NLRP8: variants seen among roughly 807,000 people sequenced by gnomAD.
The protein encoded by NLRP8 is NACHT, LRR and PYD domains-containing protein 8.
Under a neutral mutation model 88.7 loss-of-function variants are expected in NLRP8, and 86 were observed. That is an observed-to-expected ratio of 0.97 (90% CI 0.81 to 1.16). The LOEUF (loss-of-function observed/expected upper bound fraction) is 1.16, where lower values mean the gene tolerates loss of function less well. Among genes scored for constraint, NLRP8 ranks in the 50% most tolerant of loss-of-function variants. NLRP8 has a pLI of 0.00. For missense variants in NLRP8, 1,342 were observed against 1,286.5 expected (o/e 1.04, Z -0.66); for synonymous variants, 504 against 494.6 (o/e 1.02, Z -0.25).
Position 55,956,058 on chromosome 19 carries a change from T to A in NLRP8, c.2000T>A (p.Met667Lys), listed in dbSNP as rs112479974. ...GAACTGACCGTCACCCTGAACTTCATGAACGTGTGGAAGCTCAGCTCCAGC... is the reference window on the plus strand; with the variant it reads ...GAACTGACCGTCACCCTGAACTTCAAGAACGTGTGGAAGCTCAGCTCCAGC... The change falls in exon 3 of 10, where the codon ATG becomes AAG. Residue 667 changes from methionine (M) to lysine (K), a missense_variant. Physicochemically the swap from Met to Lys is moderately conservative, Grantham distance 95. Coordinates refer to ENST00000291971, the MANE Select transcript of NLRP8 (RefSeq NM_176811.2). 3.7e-6 allele frequency: 6 copies of A among 1,614,076 alleles called. No individual in the cohort carries two copies. The highest frequency in any genetic ancestry group is 4.2e-6 in the Non-Finnish European group (5 of 1,179,960).
In NLRP8 at chr19:55,955,504, G is replaced by T. The variant is rs369750431; in HGVS notation, c.1446G>T (p.Thr482=). The stretch of plus-strand genomic sequence containing the variant: ...TTGAGGAAGCCAAGCTGGATCAGAC[G>T]GGAGTCACCGCCTTCCTTGGCATGA... Residue 482 remains threonine, a synonymous_variant, in exon 3 of 10, where the codon ACG becomes ACT. Coordinates refer to ENST00000291971, the MANE Select transcript of NLRP8 (RefSeq NM_176811.2). 1.2e-6 allele frequency: 2 copies of T among 1,614,208 alleles called. No homozygotes were observed. Among genetic ancestry groups the T allele is most frequent in the Admixed American group, 3.3e-5 (2 of 60,016 alleles).
At chr19:55,975,063 C>T (rs1980248755) in intron 7 of NLRP8, among the ~76,000 whole-genome samples, 2 of 152,158 alleles carry the variant, frequency 1.3e-5, no homozygotes, top group Admixed American at 6.5e-5. Flanking sequence ...TGGAAACTGG[C>T]AATCACTACA....
rs147043782 is a variant in NLRP8, at chr19:55,955,216, C to T, written c.1158C>T (p.Asn386=). Residue 386 remains asparagine, a synonymous_variant, in exon 3 of 10, where the codon AAC becomes AAT. Transcript: ENST00000291971. ...AAGTCTTGAGTTTCGCCATGGAAAACACCATTCTCTTCTCCATGTGCCGGG... is the reference window on the plus strand; with the variant it reads ...AAGTCTTGAGTTTCGCCATGGAAAATACCATTCTCTTCTCCATGTGCCGGG... 5 of 1,614,032 alleles carry T rather than the reference C, an allele frequency of 3.1e-6. No homozygotes were observed. In the African/African-American group the frequency reaches 4.0e-5, roughly 13 times the overall value.
chr19:55,961,196 C>G (rs1176597503), intron 3 of NLRP8, among the ~76,000 whole-genome samples: 1 of 152,094 alleles, frequency 6.6e-6, no homozygotes, highest in Admixed American at 6.6e-5. Flanking sequence ...GCCACCGTGC[C>G]CGGCCACTTT....
intron 1 of NLRP8, among the ~76,000 whole-genome samples, chr19:55,950,237 C>A (rs1425861131): frequency 6.7e-6 from 1 of 150,082 alleles, no homozygotes; most frequent in East Asian, 1.9e-4. Flanking sequence ...ATGGTGAAAC[C>A]CAGTCTCTAC....
chr19:55,974,761 A>AG (rs1305640073), intron 7 of NLRP8, among the ~76,000 whole-genome samples: 1 of 151,092 alleles, frequency 6.6e-6, no homozygotes. Context: ...GAAAGAAAAA[A>AG]GGCCCATTGT....
chr19:55,987,754 G>A, intron 9 of NLRP8: 1 of 1,236,924 alleles, frequency 8.1e-7, no homozygotes, highest in Non-Finnish European at 1.2e-6. Context: ...GCAAGCTTAG[G>A]GAAGTCACTC....
At chr19:55,967,407 G>A (rs1231404706) in intron 5 of NLRP8, among the ~76,000 whole-genome samples, 1 of 152,132 alleles carries the variant, frequency 6.6e-6, no homozygotes, top group Non-Finnish European at 1.5e-5. Flanking sequence ...GAGTTCAATT[G>A]TTTTGGTTTT....
intron 8 of NLRP8, among the ~76,000 whole-genome samples, chr19:55,976,536 C>T (rs1980335619): frequency 6.6e-6 from 1 of 151,978 alleles, no homozygotes; most frequent in Non-Finnish European, 1.5e-5. Flanking sequence ...ACCTAGGGAA[C>T]CAGAAACTCT....
At chr19:55,969,624 T>C (rs895519475) in intron 5 of NLRP8, among the ~76,000 whole-genome samples, 3 of 151,202 alleles carry the variant, frequency 2.0e-5, no homozygotes, top group African/African-American at 2.4e-5. Context: ...AGATGCCCAG[T>C]AGTGGGATTG....
Position 55,954,548 on chromosome 19 carries a change from A to G in NLRP8, c.490A>G (p.Ile164Val), listed in dbSNP as rs566456144. ...GAATGTGATGGAAAAGTTTTTCCCC[A>G]TATGGGACATTACGACTTGGCCTGG... The change falls in exon 3 of 10, where the codon ATA becomes GTA. Residue 164 changes from isoleucine (I) to valine (V), a missense_variant. By Grantham distance (29) the Ile-to-Val change is conservative (BLOSUM62 3). Coordinates refer to ENST00000291971, the MANE Select transcript of NLRP8 (RefSeq NM_176811.2). The G allele has an allele frequency of 5.9e-5, 96 of 1,614,172 alleles. No homozygotes were observed. The South Asian group carries it at 9.7e-4, about 16-fold the overall frequency.
rs61735878 is a variant in NLRP8 at position 55,948,001 on chromosome 19, C to T, written c.99C>T (p.Pro33=). The T allele has an allele frequency of 0.014, 22,957 of 1,614,046 alleles. 982 individuals are homozygous for T. The highest frequency in any genetic ancestry group is 0.094 in the Admixed American group (5,664 of 59,998). Residue 33 remains proline, a synonymous_variant, in exon 1 of 10, where the codon CCC becomes CCT. Coordinates refer to ENST00000291971, the MANE Select transcript of NLRP8 (RefSeq NM_176811.2). Reference sequence around the variant, plus strand: ...CGCCCTGGACATTCTCTTGCTACCCCGGCTCCCCATGTGAAAATGGGGTCA... The same window carrying T: ...CGCCCTGGACATTCTCTTGCTACCCTGGCTCCCCATGTGAAAATGGGGTCA...
chr19:55,975,235 C>A (rs770383962), intron 7 of NLRP8, among the ~76,000 whole-genome samples: 3 of 152,078 alleles, frequency 2.0e-5, no homozygotes, highest in Non-Finnish European at 4.4e-5. Context: ...AATTCAATGC[C>A]CCAAGCATAG....
At chr19:55,951,034 C>T (rs1217008107) in intron 1 of NLRP8, among the ~76,000 whole-genome samples, 1 of 151,922 alleles carries the variant, frequency 6.6e-6, no homozygotes, top group Non-Finnish European at 1.5e-5. Context: ...GCTGAGATCA[C>T]ACCACTGCAC....
At chr19:55,982,680 C>T (rs903102793) in intron 9 of NLRP8, among the ~76,000 whole-genome samples, 35 of 152,202 alleles carry the variant, frequency 2.3e-4, no homozygotes, top group African/African-American at 8.4e-4. Flanking sequence ...CAGTGGCTTG[C>T]ACCTGTAATC....
rs1163075343 is a variant in NLRP8, at chr19:55,955,091, T to A, written c.1033T>A (p.Leu345Met). The A allele has an allele frequency of 5.6e-6, 9 of 1,614,000 alleles. No homozygotes were observed. The Admixed American group carries it at 1.0e-4, about 18-fold the overall frequency. The stretch of plus-strand genomic sequence containing the variant: ...TACCTCTTGGCAGACATGCAAGCCC[T>A]TGCTGAAATGTCCCTCTCTCGTAAC... Residue 345 changes from leucine (L) to methionine (M), a missense_variant, in exon 3 of 10, where the codon TTG becomes ATG. Coordinates refer to ENST00000291971, the MANE Select transcript of NLRP8 (RefSeq NM_176811.2).
chr19:55,960,147 G>C (rs540198664), intron 3 of NLRP8, among the ~76,000 whole-genome samples: 1 of 152,174 alleles, frequency 6.6e-6, no homozygotes, highest in Admixed American at 6.5e-5. Flanking sequence ...GTGGTCTTTT[G>C]TTACATTCCA....
At chr19:55,950,787 G>A (rs2053715325) in intron 1 of NLRP8, among the ~76,000 whole-genome samples, 1 of 152,076 alleles carries the variant, frequency 6.6e-6, no homozygotes, top group Non-Finnish European at 1.5e-5. Context: ...CAGTCTGAAA[G>A]GCCGAGGTGG....
intron 1 of NLRP8, 105 bp downstream of exon 1, chr19:55,948,374 GC>G (rs1363989051): frequency 1.4e-5 from 17 of 1,194,050 alleles, no homozygotes; most frequent in Non-Finnish European, 2.0e-5. Flanking sequence ...GAGCAAGAAA[GC>G]AAACAGTGGA....
Sources: allele counts gnomAD v4.1 joint callset (sites outside exome capture counted in the v4.1 genomes callset), GRCh38; gene constraint gnomAD v4.1.1; transcripts MANE v1.5; gene names NCBI Gene and HGNC (gene_info 2026-07-23, HGNC 2026-07-21).